PALD1: variants seen among roughly 807,000 people sequenced by gnomAD.
The protein encoded by PALD1 is paladin.
In PALD1, 57 loss-of-function variants were observed where a neutral mutation model predicts 96.0. The ratio of observed to expected loss-of-function variants is 0.59; its 90% CI spans 0.48 to 0.74. The LOEUF is 0.74. Ranked by LOEUF, PALD1 falls within the 30% of genes least tolerant of loss-of-function variation. The probability of loss-of-function intolerance (pLI) is 0.00; values close to 1 mark genes in which losing one functional copy is unlikely to be tolerated. For missense variants in PALD1, 1,063 were observed against 1,143.7 expected (o/e 0.93, Z 1.02); for synonymous variants, 464 against 473.6 (o/e 0.98, Z 0.26).
At chr10:70,552,545 C>T (rs1847503168) in intron 18 of PALD1, among the ~76,000 whole-genome samples, 1 of 152,168 alleles carries the variant, frequency 6.6e-6, no homozygotes, top group African/African-American at 2.4e-5. Context: ...TGCCCACCTC[C>T]CAGCTGCAGT....
At chr10:70,561,064 G>C (rs900916124) in intron 18 of PALD1, among the ~76,000 whole-genome samples, 1 of 152,212 alleles carries the variant, frequency 6.6e-6, no homozygotes, top group Non-Finnish European at 1.5e-5. Context: ...GGCGTCACCT[G>C]TACACAGTGG....
chr10:70,519,648 C>T (rs1846690590), intron 1 of PALD1, among the ~76,000 whole-genome samples: 1 of 151,042 alleles, frequency 6.6e-6, no homozygotes, highest in Non-Finnish European at 1.5e-5. Flanking sequence ...GATCTCAACT[C>T]ACCGCAACTT....
In PALD1 at chr10:70,500,258, T is replaced by G. The variant is rs145392708; in HGVS notation, c.-30+21199T>G. Among the ~76,000 whole-genome samples, 413 of 152,214 alleles carry G rather than the reference T, an allele frequency of 2.7e-3. 2 individuals are homozygous for G. The highest frequency in any genetic ancestry group is 9.5e-3 in the African/African-American group (393 of 41,536). ...TTGCACCCCAGATGTCCCAGAGCAG[T>G]ACCCACCCTGTTGCTCAGGTGCCTC... On this transcript the variant is annotated intron_variant, in intron 1 of 19. Coordinates refer to ENST00000263563, the MANE Select transcript of PALD1 (RefSeq NM_014431.3).
At position 70,504,773 on chromosome 10, in the gene PALD1, G is replaced by A. The variant is rs564561487; in HGVS notation, c.-29-21150G>A. The stretch of plus-strand genomic sequence containing the variant: ...ATTGTGATACATTGTTTTGACTGAA[G>A]TATGGTGAAGAAAATCGGCTTCACC... On this transcript the variant is annotated intron_variant, in intron 1 of 19. Transcript: ENST00000263563. Among the ~76,000 whole-genome samples the A allele has an allele frequency of 2.0e-5, 3 of 152,302 alleles. No individual in the cohort carries two copies. The South Asian group carries it at 6.2e-4, about 32-fold the overall frequency.
At chr10:70,497,651 C>T (rs1846218523) in intron 1 of PALD1, among the ~76,000 whole-genome samples, 1 of 151,876 alleles carries the variant, frequency 6.6e-6, no homozygotes, top group African/African-American at 2.4e-5. Context: ...ACTGCAACCT[C>T]TGCCTCCCGA....
chr10:70,547,289 C>G lies in PALD1; in HGVS notation c.2122-17C>G, dbSNP rs375740822. ...TTACCAGTTTTATGTCTGCTCACCC[C>G]CCTTCTCTGGCCCCAGGTAGTAATG... On this transcript the variant is annotated splice_polypyrimidine_tract_variant and intron_variant, in intron 17 of 19. Transcript: ENST00000263563. The G allele has an allele frequency of 4.3e-6, 7 of 1,612,674 alleles. No homozygotes were observed. The highest frequency in any genetic ancestry group is 1.7e-4 in the Middle Eastern group (1 of 5,876).
rs1299039604 is a variant in PALD1, at chr10:70,532,678, G to A, written c.691G>A (p.Asp231Asn). The change falls in exon 6 of 20, where the codon GAC (aspartate) becomes AAC (asparagine). Residue 231 changes from aspartate (D) to asparagine (N), a missense_variant. Coordinates refer to ENST00000263563, the MANE Select transcript of PALD1 (RefSeq NM_014431.3). ...NTYHVYHNTE[D>N]LWGEPHAVAI... ...ATACCATGTGTACCATAACACCGAGGACCTGTGGGGGGAGCCCCATGCTGT... is the reference window on the plus strand; with the variant it reads ...ATACCATGTGTACCATAACACCGAGAACCTGTGGGGGGAGCCCCATGCTGT... 1.2e-6 allele frequency: 2 copies of A among 1,614,214 alleles called. No homozygotes were observed. The highest frequency in any genetic ancestry group is 1.1e-5 in the South Asian group (1 of 91,082).
At chr10:70,560,466 T>C (rs1449250396) in intron 18 of PALD1, among the ~76,000 whole-genome samples, 1 of 152,170 alleles carries the variant, frequency 6.6e-6, no homozygotes. Flanking sequence ...ACAACCTTGC[T>C]GAACCTCATC....
At chr10:70,467,410 G>T in the PALD1 span, among the ~76,000 whole-genome samples, 1 of 151,566 alleles carries the variant, frequency 6.6e-6, no homozygotes, top group African/African-American at 2.4e-5. Flanking sequence ...AGTGGTGGAG[G>T]TGGGGGGTGG....
At chr10:70,464,710 C>G in the PALD1 span, among the ~76,000 whole-genome samples, 1 of 148,986 alleles carries the variant, frequency 6.7e-6, no homozygotes, top group African/African-American at 2.5e-5. Context: ...ATTGCAGCCT[C>G]TGCCTCCCGG....
chr10:70,486,951 A>G (rs926317098), intron 1 of PALD1, among the ~76,000 whole-genome samples: 4 of 151,998 alleles, frequency 2.6e-5, no homozygotes, highest in Admixed American at 1.3e-4. Context: ...CCTGGTGGGA[A>G]TCTGATTTCT....
intron 10 of PALD1, among the ~76,000 whole-genome samples, chr10:70,535,727 G>C (rs1847102446): frequency 6.7e-6 from 1 of 150,030 alleles, no homozygotes; most frequent in Non-Finnish European, 1.5e-5. Context: ...CTTCAATAGG[G>C]TCTTGCTCTG....
At chr10:70,513,331 CAAAA>C (rs796941984) in intron 1 of PALD1, among the ~76,000 whole-genome samples, 2 of 151,138 alleles carry the variant, frequency 1.3e-5, no homozygotes, top group East Asian at 3.9e-4. Flanking sequence ...CCCATCTCTG[CAAAA>C]AAAATAAATA....
At chr10:70,483,142 G>A (rs539913343) in intron 1 of PALD1, among the ~76,000 whole-genome samples, 43 of 152,282 alleles carry the variant, frequency 2.8e-4, no homozygotes, top group African/African-American at 9.4e-4. Context: ...CCTGAGGGAG[G>A]GAATGGCTGG....
Position 70,566,585 on chromosome 10 carries a change from C to T in PALD1, c.2423C>T (p.Ala808Val), listed in dbSNP as rs1381462862. Residue 808 changes from alanine to valine, a missense_variant, in exon 20 of 20, where the codon GCA becomes GTA. By Grantham distance (64) the Ala-to-Val change is moderately conservative. Coordinates refer to ENST00000263563, the MANE Select transcript of PALD1 (RefSeq NM_014431.3). The part of the protein sequence containing the change: ...RPFSTWMQEV[A>V]SKAGIYEILN... ...CTGCCTCTGCTCTCCTCCCAGGTGG[C>T]ATCGAAGGCTGGCATCTACGAGATC... 1.9e-6 allele frequency: 3 copies of T among 1,607,702 alleles called. No homozygotes were observed. In the African/African-American group the frequency reaches 4.0e-5, roughly 21 times the overall value.
the PALD1 span, among the ~76,000 whole-genome samples, chr10:70,460,616 C>T: frequency 6.6e-6 from 1 of 152,158 alleles, no homozygotes; most frequent in Non-Finnish European, 1.5e-5. Context: ...TGGTCCCAGC[C>T]ACCATCATCT....
intron 1 of PALD1, among the ~76,000 whole-genome samples, chr10:70,525,555 T>G (rs1168937560): frequency 1.3e-5 from 2 of 152,120 alleles, no homozygotes; most frequent in African/African-American, 4.8e-5. Flanking sequence ...GCCTGAAAGG[T>G]CTGGCCTTTG....
At chr10:70,474,920 C>T (rs1230758862), upstream of PALD1, among the ~76,000 whole-genome samples, 1 of 152,086 alleles carries the variant, frequency 6.6e-6, no homozygotes, top group Non-Finnish European at 1.5e-5. Context: ...GGGGAGGAGT[C>T]CAAGGCAAAT....
chr10:70,509,151 CTCTCCCCCTGGG>C (rs753324112), intron 1 of PALD1, among the ~76,000 whole-genome samples: 4 of 152,162 alleles, frequency 2.6e-5, no homozygotes, highest in Non-Finnish European at 5.9e-5. Context: ...GGAAGGGGTA[CTCTCCCCCTGGG>C]TCCCACGTGT....
Sources: gnomAD v4.1 joint callset for allele counts (sites outside exome capture counted in the v4.1 genomes callset) on GRCh38, gnomAD v4.1.1 for gene constraint, MANE v1.5 for transcripts, NCBI Gene and HGNC (gene_info 2026-07-23, HGNC 2026-07-21) for gene names.